PHACTR4: variants seen among roughly 807,000 people sequenced by gnomAD.
PHACTR4 encodes protein phosphatase 1, regulatory subunit 124.
PHACTR4 carries 51 observed loss-of-function variants against 72.7 expected under a neutral mutation model. That is an observed-to-expected ratio of 0.70 (90% CI 0.56 to 0.89). PHACTR4 has a LOEUF of 0.89. PHACTR4 is among the 40% of genes least tolerant of loss of function. The probability of loss-of-function intolerance (pLI) is 0.00; values close to 1 mark genes in which losing one functional copy is unlikely to be tolerated. For synonymous variants in PHACTR4, 255 were observed against 302.5 expected (o/e 0.84, Z 1.63); for missense variants, 731 against 861.8 (o/e 0.85, Z 1.90).
At chr1:28,406,703 G>A (rs1393716121) in intron 1 of PHACTR4, among the ~76,000 whole-genome samples, 1 of 152,150 alleles carries the variant, frequency 6.6e-6, no homozygotes, top group Non-Finnish European at 1.5e-5. Context: ...AATGACCTTA[G>A]GATAAAAACC....
At chr1:28,468,506 T>C (rs1659361125) in intron 6 of PHACTR4, among the ~76,000 whole-genome samples, 1 of 152,094 alleles carries the variant, frequency 6.6e-6, no homozygotes, top group Non-Finnish European at 1.5e-5. Context: ...GCAGGAGAAT[T>C]GCTTGCACGT....
Position 28,493,983 on chromosome 1 carries a change from G to A in PHACTR4, c.2093+892G>A, listed in dbSNP as rs115698324. 8.9e-3 allele frequency among the ~76,000 whole-genome samples: 1,353 copies of A among 152,254 alleles called. 18 individuals carry two copies. The highest frequency in any genetic ancestry group is 0.031 in the African/African-American group (1,293 of 41,548). On this transcript the variant is annotated intron_variant, in intron 13 of 13. Coordinates refer to ENST00000373839, the MANE Select transcript of PHACTR4 (RefSeq NM_001048183.3). ...GATTTGGAATTACGGTTGTGATTAA[G>A]GACCCACCCATATCCAAAGAATCAG...
chr1:28,375,722 G>A (rs1023446000), intron 1 of PHACTR4, among the ~76,000 whole-genome samples: 13 of 152,106 alleles, frequency 8.5e-5, no homozygotes, highest in Non-Finnish European at 1.9e-4. Flanking sequence ...AGGAAAGAGA[G>A]AAGGGAATGG....
chr1:28,399,561 G>A (rs1226218206), intron 1 of PHACTR4, among the ~76,000 whole-genome samples: 1 of 152,008 alleles, frequency 6.6e-6, no homozygotes, highest in East Asian at 1.9e-4. Flanking sequence ...GGACTATGTA[G>A]TACTGTTTGG....
intron 1 of PHACTR4, among the ~76,000 whole-genome samples, chr1:28,393,890 C>T (rs186987792): frequency 1.3e-5 from 2 of 151,352 alleles, no homozygotes; most frequent in Admixed American, 6.6e-5. Context: ...TTTTCTTCTT[C>T]CCTGTAGAGA....
chr1:28,475,573 C>T (rs1570071951), intron 7 of PHACTR4, among the ~76,000 whole-genome samples: 1 of 152,034 alleles, frequency 6.6e-6, no homozygotes, highest in Non-Finnish European at 1.5e-5. Context: ...TGGAAAGCAC[C>T]AGTGCCTAAT....
chr1:28,489,232 C>G lies in PHACTR4; in HGVS notation c.1816+7C>G, dbSNP rs1490588406. The stretch of plus-strand genomic sequence containing the variant: ...CAACGCAATATATTGCAACGTGAGT[C>G]CAGTTATGGAAATAAAGTTGTATAG... On this transcript the variant is annotated splice_region_variant and intron_variant, in intron 10 of 13. Transcript: ENST00000373839. 10 of 1,606,086 alleles carry G rather than the reference C, an allele frequency of 6.2e-6. No homozygotes were observed. Among genetic ancestry groups the G allele is most frequent in the Non-Finnish European group, 7.7e-6 (9 of 1,174,198 alleles).
In PHACTR4 at chr1:28,473,864, A is replaced by G. The variant is rs776913852; in HGVS notation, c.1134A>G (p.Leu378=). The part of the protein sequence containing the change: ...VVPEIEFPPS[L]DLHQEIPQQE... ...CAGAAATTGAGTTTCCACCATCCTTAGATCTACACCAGGAGATTCCCCAGC... is the reference window on the plus strand; with the variant it reads ...CAGAAATTGAGTTTCCACCATCCTTGGATCTACACCAGGAGATTCCCCAGC... The change falls in exon 7 of 14, where the codon TTA becomes TTG. Residue 378 remains leucine (L), a synonymous_variant. Coordinates refer to ENST00000373839, the MANE Select transcript of PHACTR4 (RefSeq NM_001048183.3). 7 of 1,613,890 alleles carry G rather than the reference A, an allele frequency of 4.3e-6. No homozygotes were observed. In the South Asian group the frequency reaches 7.7e-5, roughly 18 times the overall value.
intron 13 of PHACTR4, among the ~76,000 whole-genome samples, chr1:28,496,126 G>A (rs1002764932): frequency 5.6e-5 from 8 of 143,754 alleles, no homozygotes; most frequent in Non-Finnish European, 1.2e-4. Context: ...GCGCGATCTC[G>A]GCTCACTGCA....
Position 28,473,759 on chromosome 1 carries a change from G to A in PHACTR4, c.1029G>A (p.Pro343=), listed in dbSNP as rs376062945. The A allele has an allele frequency of 1.5e-5, 24 of 1,613,704 alleles. No individual in the cohort carries two copies. In the Middle Eastern group the frequency reaches 4.9e-4, roughly 33 times the overall value. ...TACCAATGATCTCACCTCGCTCTCC[G>A]TCCCCCCCACTGCCTACTCATATAC... is the stretch of plus-strand genomic sequence containing the variant. The part of the protein sequence containing the change: ...ELLPMISPRS[P]SPPLPTHIPP... Residue 343 remains proline (P), a synonymous_variant, in exon 7 of 14, where the codon CCG becomes CCA. Coordinates refer to ENST00000373839, the MANE Select transcript of PHACTR4 (RefSeq NM_001048183.3).
chr1:28,426,956 T>C (rs992355428), intron 2 of PHACTR4, among the ~76,000 whole-genome samples: 1 of 152,196 alleles, frequency 6.6e-6, no homozygotes, highest in African/African-American at 2.4e-5. Flanking sequence ...CTCCCATGTG[T>C]AGTCATATGT....
intron 7 of PHACTR4, among the ~76,000 whole-genome samples, chr1:28,474,429 C>T (rs1280848079): frequency 6.7e-6 from 1 of 149,976 alleles, no homozygotes; most frequent in Non-Finnish European, 1.5e-5. Context: ...GAGGCTGAGG[C>T]AGGAGAATCG....
chr1:28,376,536 C>T (rs1314218885), intron 1 of PHACTR4, among the ~76,000 whole-genome samples: 1 of 151,446 alleles, frequency 6.6e-6, no homozygotes, highest in East Asian at 2.0e-4. Context: ...ATTATGTTGC[C>T]CAGACCAGTC....
chr1:28,390,762 C>T (rs1652947913), intron 1 of PHACTR4, among the ~76,000 whole-genome samples: 1 of 152,018 alleles, frequency 6.6e-6, no homozygotes, highest in Admixed American at 6.6e-5. Flanking sequence ...CACTGCGCTC[C>T]AGCCTGGGCA....
rs1166615702 is a variant in PHACTR4, at chr1:28,455,710, T to C, written c.17-3375T>C. 3.3e-5 allele frequency among the ~76,000 whole-genome samples: 5 copies of C among 152,216 alleles called. No homozygotes were observed. In the East Asian group the frequency reaches 9.6e-4, roughly 29 times the overall value. The stretch of plus-strand genomic sequence containing the variant: ...AGATTCTGTATTTTGAAAAGGCAAT[T>C]GGGCTGATTCCAAGTATTTGGACAG... On this transcript the variant is annotated intron_variant, in intron 2 of 13. Transcript: ENST00000373839.
intron 6 of PHACTR4, among the ~76,000 whole-genome samples, chr1:28,470,563 G>A (rs906351206): frequency 7.2e-5 from 11 of 151,872 alleles, no homozygotes; most frequent in Admixed American, 4.6e-4. Context: ...GGGCATGGTG[G>A]CACATGCCTA....
chr1:28,497,320 AGGTG>A lies in PHACTR4; in HGVS notation c.*777_*780del, dbSNP rs1661415923. On this transcript the variant is annotated 3_prime_UTR_variant, in exon 14 of 14. Coordinates refer to ENST00000373839, the MANE Select transcript of PHACTR4 (RefSeq NM_001048183.3). ...GTAATCCCAGCACTTTGGGAGGCCG[AGGTG>A]GGTGGATCACCTGAGGTCAGGAGTT... 1 of 152,050 alleles carries A rather than the reference AGGTG, an allele frequency of 6.6e-6. No individual in the cohort carries two copies. Among genetic ancestry groups the A allele is most frequent in the Non-Finnish European group, 1.5e-5 (1 of 68,012 alleles). The allele number at this position is 152,050 out of a possible 1,614,324, so 9.4% of individuals were successfully genotyped here.
At position 28,475,729 on chromosome 1, in the gene PHACTR4, C is replaced by CTTTTTTTTTTTTTTTTTTT. The variant is rs71672836; in HGVS notation, c.1422-364_1422-363insTTTTTTTTTTTTTTTTTTT. On this transcript the variant is annotated intron_variant, in intron 7 of 13. Transcript: ENST00000373839. Reference sequence around the variant, plus strand: ...ATTTATGGTTATTTCAGTCCTTTGTCTTTTTTTTTTTTTTGAGATAGAATC... The same window carrying CTTTTTTTTTTTTTTTTTTT: ...ATTTATGGTTATTTCAGTCCTTTGTCTTTTTTTTTTTTTTTTTTTTTTTTTTTTTTTTTGAGATAGAATC... Among the ~76,000 whole-genome samples, 122 of 135,272 alleles carry CTTTTTTTTTTTTTTTTTTT rather than the reference C, an allele frequency of 9.0e-4. 1 individual carries two copies. The highest frequency in any genetic ancestry group is 3.7e-3 in the Middle Eastern group (1 of 270). 88.7% of individuals were successfully genotyped at this position (135,272 alleles called of 152,430 possible).
intron 1 of PHACTR4, among the ~76,000 whole-genome samples, chr1:28,376,161 C>T (rs1011867903): frequency 1.5e-4 from 23 of 151,782 alleles, no homozygotes; most frequent in African/African-American, 5.1e-4. Context: ...TTTCTTTTCT[C>T]TTCTTTCTTT....
Sources: gnomAD v4.1 joint callset for allele counts (sites outside exome capture counted in the v4.1 genomes callset) on GRCh38, gnomAD v4.1.1 for gene constraint, MANE v1.5 for transcripts, NCBI Gene and HGNC (gene_info 2026-07-23, HGNC 2026-07-21) for gene names.